ESRRG: variants seen among roughly 807,000 people sequenced by gnomAD.
ESRRG encodes estrogen-related receptor gamma.
A neutral mutation model predicts 44.0 loss-of-function variants in ESRRG; 13 were observed. The ratio of observed to expected loss-of-function variants is 0.30; its 90% CI spans 0.19 to 0.47. The LOEUF (loss-of-function observed/expected upper bound fraction) is 0.47. ESRRG is among the 20% of genes least tolerant of loss of function. The probability of loss-of-function intolerance (pLI) is 1.00; values close to 1 mark genes in which losing one functional copy is unlikely to be tolerated. For missense variants in ESRRG, 395 were observed against 580.6 expected, an observed-to-expected ratio of 0.68 and a Z score of 3.29; for synonymous variants, 215 against 214.6, an observed-to-expected ratio of 1.00 and a Z score of -0.02.
At chr1:216,972,797 A>G (rs1466102822) in intron 1 of ESRRG, among the ~76,000 whole-genome samples, 1 of 152,216 alleles carries the variant, frequency 6.6e-6, no homozygotes, top group African/African-American at 2.4e-5. Context: ...CAACAAGAAC[A>G]AAGTAAATAA....
intron 2 of ESRRG, among the ~76,000 whole-genome samples, chr1:216,748,758 G>T (rs1442091140): frequency 6.6e-6 from 1 of 152,172 alleles, no homozygotes; most frequent in Admixed American, 6.6e-5. Flanking sequence ...TAAATCAAGT[G>T]CTGTTATTGA....
At chr1:217,105,176 G>C (rs2092573223) in intron 1 of ESRRG, among the ~76,000 whole-genome samples, 1 of 152,058 alleles carries the variant, frequency 6.6e-6, no homozygotes, top group African/African-American at 2.4e-5. Flanking sequence ...CCTTCCTTTG[G>C]CCTTGTGGTG....
intron 5 of ESRRG, among the ~76,000 whole-genome samples, chr1:216,558,254 C>T (rs2057991794): frequency 6.6e-6 from 1 of 152,112 alleles, no homozygotes; most frequent in African/African-American, 2.4e-5. Flanking sequence ...AAACTTATTT[C>T]TCAACTTACT....
chr1:216,658,563 GTAATCCCAGCAC>G (rs2071252004), intron 2 of ESRRG, among the ~76,000 whole-genome samples: 1 of 151,592 alleles, frequency 6.6e-6, no homozygotes, highest in African/African-American at 2.4e-5. Context: ...GCCTCATGCT[GTAATCCCAGCAC>G]TTTGGAAGGC....
intron 3 of ESRRG, among the ~76,000 whole-genome samples, chr1:216,601,459 G>A (rs936352267): frequency 6.6e-6 from 1 of 152,220 alleles, no homozygotes; most frequent in African/African-American, 2.4e-5. Flanking sequence ...CACAAGTGCG[G>A]ATAAGACTTA....
intron 2 of ESRRG, among the ~76,000 whole-genome samples, chr1:216,826,461 T>A (rs1334972051): frequency 6.6e-6 from 1 of 152,164 alleles, no homozygotes; most frequent in Non-Finnish European, 1.5e-5. Context: ...AACTCAGAAG[T>A]CAAGATAGGT....
chr1:217,133,621 CTTTCT>C, intron 1 of ESRRG, among the ~76,000 whole-genome samples: 1 of 25,244 alleles, frequency 4.0e-5, no homozygotes, highest in South Asian at 2.5e-3. Context: ...TTCTTTCTTT[CTTTCT>C]TTCTTTCTCT....
intron 2 of ESRRG, among the ~76,000 whole-genome samples, chr1:216,859,133 G>C (rs2096005684): frequency 6.6e-6 from 1 of 152,104 alleles, no homozygotes; most frequent in Admixed American, 6.5e-5. Context: ...ATTTAACCAA[G>C]ATAAAGCAAC....
chr1:217,012,572 C>A (rs1323112550), intron 1 of ESRRG, among the ~76,000 whole-genome samples: 1 of 152,176 alleles, frequency 6.6e-6, no homozygotes, highest in Non-Finnish European at 1.5e-5. Context: ...AAGGCAAACT[C>A]AGAGGCTAAG....
chr1:216,698,444 G>A (rs541088130), intron 1 of ESRRG, among the ~76,000 whole-genome samples: 4 of 151,112 alleles, frequency 2.6e-5, no homozygotes, highest in East Asian at 2.0e-4. Flanking sequence ...GCGTGAACCC[G>A]GGAGGCGGAG....
chr1:216,582,464 CAG>C (rs1341292899), intron 3 of ESRRG, among the ~76,000 whole-genome samples: 1 of 151,940 alleles, frequency 6.6e-6, no homozygotes, highest in African/African-American at 2.4e-5. Flanking sequence ...TTTTTTGAGA[CAG>C]AGTCTTGCTC....
intron 1 of ESRRG, among the ~76,000 whole-genome samples, chr1:216,960,080 G>A (rs1366832653): frequency 6.6e-6 from 1 of 151,974 alleles, no homozygotes; most frequent in Non-Finnish European, 1.5e-5. Context: ...ATATGTGTGT[G>A]TATGTACATT....
At chr1:216,815,692 A>G (rs1054466969) in intron 2 of ESRRG, among the ~76,000 whole-genome samples, 6 of 152,204 alleles carry the variant, frequency 3.9e-5, no homozygotes, top group Admixed American at 3.3e-4. Context: ...GGTTCAGCGC[A>G]GCTGGTGGAG....
chr1:216,770,331 G>A (rs1461840030), intron 2 of ESRRG, among the ~76,000 whole-genome samples: 1 of 152,034 alleles, frequency 6.6e-6, no homozygotes, highest in Non-Finnish European at 1.5e-5. Context: ...TGTAAGAAAA[G>A]GAAGAGACCA....
At chr1:217,023,740 C>A (rs2080735214) in intron 1 of ESRRG, among the ~76,000 whole-genome samples, 2 of 152,154 alleles carry the variant, frequency 1.3e-5, no homozygotes, top group African/African-American at 4.8e-5. Flanking sequence ...ACTCACTTCC[C>A]CACCCCGACC....
intron 6 of ESRRG, among the ~76,000 whole-genome samples, chr1:216,518,098 G>A (rs1485389297): frequency 6.6e-6 from 1 of 152,098 alleles, no homozygotes; most frequent in Non-Finnish European, 1.5e-5. Context: ...CTAGGACCGC[G>A]CCAAATCACA....
At chr1:216,714,783 G>A (rs1348548211) in intron 1 of ESRRG, 1 of 159,630 alleles carries the variant, frequency 6.3e-6, no homozygotes, top group Non-Finnish European at 1.3e-5. Context: ...TAGATGATCT[G>A]TTCTCCATTT....
intron 1 of ESRRG, among the ~76,000 whole-genome samples, chr1:217,071,435 A>G (rs1430272665): frequency 2.0e-5 from 3 of 152,210 alleles, no homozygotes; most frequent in African/African-American, 7.2e-5. Flanking sequence ...TTTCTCATGT[A>G]TAAGATAGGG....
intron 1 of ESRRG, among the ~76,000 whole-genome samples, chr1:216,981,050 C>A (rs2073884755): frequency 6.6e-6 from 1 of 152,172 alleles, no homozygotes; most frequent in Admixed American, 6.5e-5. Context: ...AGGCAAGATA[C>A]CATGCCAGTC....
Sources: gnomAD v4.1 joint callset for allele counts (sites outside exome capture counted in the v4.1 genomes callset) on GRCh38, gnomAD v4.1.1 for gene constraint, MANE v1.5 for transcripts, NCBI Gene and HGNC (gene_info 2026-07-23, HGNC 2026-07-21) for gene names.